ATP10B: variants seen among roughly 807,000 people sequenced by gnomAD.
ATP10B encodes the protein ATPase phospholipid transporting 10B (putative), also known as phospholipid-transporting ATPase VB.
In ATP10B, 122 loss-of-function variants were observed where a neutral mutation model predicts 141.2. The observed-to-expected ratio is 0.86, with a 90% CI of 0.75 to 1.00. The LOEUF is 1.00. Among genes scored for constraint, ATP10B ranks in the 50% least tolerant of loss-of-function variants. The pLI is 0.00. For missense variants in ATP10B, 1,876 were observed against 1,825.3 expected (o/e 1.03, Z -0.51); for synonymous variants, 685 against 692.0 (o/e 0.99, Z 0.16).
intron 3 of ATP10B, among the ~76,000 whole-genome samples, chr5:160,691,108 A>G (rs927209325): frequency 1.3e-5 from 2 of 152,204 alleles, no homozygotes; most frequent in African/African-American, 4.8e-5. Flanking sequence ...ACACAGGAAC[A>G]GAAAACCAAA....
At position 160,808,641 on chromosome 5, in the gene ATP10B, A is replaced by C. The variant is rs147723639; in HGVS notation, c.-575-22838T>G. On this transcript the variant is annotated intron_variant, in intron 1 of 25. Transcript: ENST00000327245. Reference sequence around the variant, plus strand: ...TGTTCTGCCCCAAACTCTTGGTATGACTGGATCTTTCTTATCCTTCCCATT... The same window carrying C: ...TGTTCTGCCCCAAACTCTTGGTATGCCTGGATCTTTCTTATCCTTCCCATT... Among the ~76,000 whole-genome samples the C allele has an allele frequency of 7.0e-3, 1,066 of 152,272 alleles. 18 individuals carry two copies. The highest frequency in any genetic ancestry group is 0.024 in the African/African-American group (1,005 of 41,558).
intron 1 of ATP10B, among the ~76,000 whole-genome samples, chr5:160,816,359 G>C (rs1299630691): frequency 4.6e-5 from 7 of 152,042 alleles, no homozygotes; most frequent in African/African-American, 7.2e-5. Context: ...TACCATCAGA[G>C]AATACTAGAA....
chr5:160,587,720 G>A (rs1361563968), intron 24 of ATP10B, among the ~76,000 whole-genome samples: 1 of 152,134 alleles, frequency 6.6e-6, no homozygotes, highest in East Asian at 1.9e-4. Context: ...TCATGATTTG[G>A]TGCTCTGTTT....
At chr5:160,675,501 C>T (rs1382772140) in intron 6 of ATP10B, among the ~76,000 whole-genome samples, 1 of 152,112 alleles carries the variant, frequency 6.6e-6, no homozygotes, top group African/African-American at 2.4e-5. Context: ...ATGCTGAAGG[C>T]TCCATTTCTC....
At chr5:160,783,609 A>C (rs929363703) in intron 2 of ATP10B, among the ~76,000 whole-genome samples, 4 of 146,908 alleles carry the variant, frequency 2.7e-5, no homozygotes, top group Admixed American at 2.1e-4. Context: ...ACACACACAC[A>C]CCACAGTTTC....
intron 1 of ATP10B, among the ~76,000 whole-genome samples, chr5:160,810,057 T>C (rs1773044395): frequency 6.6e-6 from 1 of 152,204 alleles, no homozygotes; most frequent in Non-Finnish European, 1.5e-5. Context: ...ACCTCTACAG[T>C]ATCTAATCTT....
intron 7 of ATP10B, among the ~76,000 whole-genome samples, chr5:160,653,600 TA>T (rs1761131457): frequency 3.5e-5 from 1 of 28,438 alleles, no homozygotes; most frequent in African/African-American, 1.3e-4. Context: ...CATATATACA[TA>T]TATACATATA....
intron 2 of ATP10B, among the ~76,000 whole-genome samples, chr5:160,731,019 T>C (rs560606589): frequency 6.6e-6 from 1 of 152,290 alleles, no homozygotes; most frequent in African/African-American, 2.4e-5. Context: ...TCCCATAATG[T>C]CTTCCTACCC....
intron 2 of ATP10B, among the ~76,000 whole-genome samples, chr5:160,740,244 G>T (rs1259835595): frequency 6.6e-6 from 1 of 152,164 alleles, no homozygotes; most frequent in Non-Finnish European, 1.5e-5. Context: ...TAATTTAAAG[G>T]ATTTTCAAAA....
intron 15 of ATP10B, 91 bp downstream of exon 15, chr5:160,620,256 C>A: frequency 6.7e-7 from 1 of 1,483,484 alleles, no homozygotes; most frequent in South Asian, 1.4e-5. Flanking sequence ...TACCAGGTGA[C>A]ACTACAACTT....
rs951444129 is a variant in ATP10B at position 160,598,630 on chromosome 5, C to G, written c.3564+140G>C. The G allele has an allele frequency of 1.0e-4, 78 of 769,930 alleles. 1 individual carries two copies. In the South Asian group the frequency reaches 1.3e-3, roughly 13 times the overall value. The allele number at this position is 769,930 out of a possible 1,614,324, so 47.7% of individuals were successfully genotyped here. On this transcript the variant is annotated intron_variant, in intron 22 of 25. Coordinates refer to ENST00000327245, the MANE Select transcript of ATP10B (RefSeq NM_025153.3). ...GGGTCAGGAAAGGAGAGAGGAGTTA[C>G]TCAAAGTAAATGATGGAACAGTGGT...
intron 25 of ATP10B, among the ~76,000 whole-genome samples, chr5:160,568,508 G>A (rs779472595): frequency 6.6e-6 from 1 of 152,162 alleles, no homozygotes; most frequent in Non-Finnish European, 1.5e-5. Flanking sequence ...TGTTCAGCGT[G>A]GTGAGATGGA....
At chr5:160,905,420 T>C in the ATP10B span, among the ~76,000 whole-genome samples, 17 of 152,318 alleles carry the variant, frequency 1.1e-4, no homozygotes, top group African/African-American at 3.6e-4. Context: ...AAGTCCTGGG[T>C]TCCTCAGGTA....
At chr5:160,781,714 T>C (rs1460586031) in intron 2 of ATP10B, among the ~76,000 whole-genome samples, 1 of 152,164 alleles carries the variant, frequency 6.6e-6, no homozygotes, top group Non-Finnish European at 1.5e-5. Context: ...TAGAATTCAG[T>C]ATAAAGTCAC....
chr5:160,728,736 T>A (rs13159151), intron 2 of ATP10B, among the ~76,000 whole-genome samples: 2 of 151,936 alleles, frequency 1.3e-5, no homozygotes, highest in African/African-American at 2.4e-5. Flanking sequence ...TTGTCAGACC[T>A]TAGGGTGGTC....
chr5:160,840,442 T>G (rs1775744888), intron 1 of ATP10B, among the ~76,000 whole-genome samples: 1 of 151,966 alleles, frequency 6.6e-6, no homozygotes, highest in South Asian at 2.1e-4. Flanking sequence ...AGGTTGTATC[T>G]CAAATCACTA....
intron 3 of ATP10B, among the ~76,000 whole-genome samples, chr5:160,706,538 C>T (rs889746998): frequency 6.6e-6 from 1 of 152,188 alleles, no homozygotes; most frequent in Non-Finnish European, 1.5e-5. Context: ...GATTTTTCTA[C>T]CTCAACGTGA....
intron 1 of ATP10B, among the ~76,000 whole-genome samples, chr5:160,830,477 G>A (rs1323374032): frequency 6.6e-6 from 1 of 151,994 alleles, no homozygotes; most frequent in Non-Finnish European, 1.5e-5. Context: ...GATCAAATAG[G>A]TTTAAGATTT....
chr5:160,890,093 CTTA>C, the ATP10B span, among the ~76,000 whole-genome samples: 1 of 152,148 alleles, frequency 6.6e-6, no homozygotes, highest in African/African-American at 2.4e-5. Flanking sequence ...AATTTGCATT[CTTA>C]TTATTTGATT....
Sources: allele counts gnomAD v4.1 joint callset (sites outside exome capture counted in the v4.1 genomes callset), GRCh38; gene constraint gnomAD v4.1.1; transcripts MANE v1.5; gene names NCBI Gene and HGNC (gene_info 2026-07-23, HGNC 2026-07-21).